MPHOSPH9: variants seen among roughly 807,000 people sequenced by gnomAD.
MPHOSPH9 encodes the protein M-phase phosphoprotein 9.
A neutral mutation model predicts 145.5 loss-of-function variants in MPHOSPH9; 88 were observed. The ratio of observed to expected loss-of-function variants is 0.60; its 90% confidence interval spans 0.51 to 0.72. The LOEUF (loss-of-function observed/expected upper bound fraction) is 0.72. MPHOSPH9 is among the 30% of genes least tolerant of loss of function. The probability of loss-of-function intolerance (pLI) is 0.00; values close to 1 mark genes in which losing one functional copy is unlikely to be tolerated. For synonymous variants in MPHOSPH9, 435 were observed against 486.2 expected (o/e 0.89, Z 1.39); for missense variants, 1,238 against 1,386.6 (o/e 0.89, Z 1.70).
chr12:123,192,205 G>T (rs2045707685), intron 13 of MPHOSPH9, among the ~76,000 whole-genome samples: 2 of 152,270 alleles, frequency 1.3e-5, no homozygotes, highest in Admixed American at 1.3e-4. Context: ...TGTAATCCCT[G>T]CACTTTGAGA....
At chr12:123,227,834 CCTT>C (rs1379925894) in intron 2 of MPHOSPH9, among the ~76,000 whole-genome samples, 2 of 152,148 alleles carry the variant, frequency 1.3e-5, no homozygotes, top group East Asian at 1.9e-4. Context: ...AACAAGAAGA[CCTT>C]CTCCAGAAGT....
At position 123,188,530 on chromosome 12, in the gene MPHOSPH9, T is replaced by C. The variant is rs138797013; in HGVS notation, c.2241+5856A>G. Among the ~76,000 whole-genome samples, 249 of 152,274 alleles carry C rather than the reference T, an allele frequency of 1.6e-3. 1 individual carries two copies. Among genetic ancestry groups the C allele is most frequent in the African/African-American group, 5.7e-3 (236 of 41,556 alleles). On this transcript the variant is annotated intron_variant, in intron 13 of 23. Transcript: ENST00000606320. The stretch of plus-strand genomic sequence containing the variant: ...TCCATTTTCCCTCCCCTTGAACCTA[T>C]GCAGGACTTTGGAATTGTTTAAAAA...
intron 15 of MPHOSPH9, 25 bp downstream of exon 15, chr12:123,179,901 A>G (rs771196484): frequency 3.2e-6 from 4 of 1,236,316 alleles, no homozygotes; most frequent in Middle Eastern, 1.9e-4. Flanking sequence ...AGGTATGTGT[A>G]CATTAGTAAG....
intron 1 of MPHOSPH9, among the ~76,000 whole-genome samples, chr12:123,232,216 A>C (rs2047672697): frequency 1.3e-5 from 2 of 151,762 alleles, no homozygotes; most frequent in African/African-American, 4.8e-5. Context: ...CTGCAACCCC[A>C]TCTATTATTT....
chr12:123,237,067 A>T (rs10744150), upstream of MPHOSPH9, among the ~76,000 whole-genome samples: 2 of 151,728 alleles, frequency 1.3e-5, no homozygotes, highest in East Asian at 1.9e-4. Flanking sequence ...GCTGGGTGAC[A>T]GAGTGAGACT....
chr12:123,215,163 A>G (rs1239440691), intron 6 of MPHOSPH9, among the ~76,000 whole-genome samples: 3 of 152,112 alleles, frequency 2.0e-5, no homozygotes, highest in Admixed American at 2.0e-4. Context: ...AATCACTTGA[A>G]CCTGGGAGGC....
intron 7 of MPHOSPH9, among the ~76,000 whole-genome samples, chr12:123,214,146 G>A (rs757978667): frequency 2.9e-4 from 44 of 152,108 alleles, no homozygotes; most frequent in Non-Finnish European, 2.4e-4. Flanking sequence ...ATTCATTTTG[G>A]ACTACCCGAA....
Position 123,155,843 on chromosome 12 carries a change from C to T in MPHOSPH9, c.*964G>A, listed in dbSNP as rs896101085. 6.6e-6 allele frequency: 1 copy of T among 152,244 alleles called. No homozygotes were observed. The highest frequency in any genetic ancestry group is 2.4e-5 in the African/African-American group (1 of 41,456). 9.4% of individuals were successfully genotyped at this position (152,244 alleles called of 1,614,324 possible). A position where few individuals can be genotyped will look rare whatever the true frequency, so the allele number is the denominator to read the frequency against. On this transcript the variant is annotated 3_prime_UTR_variant, in exon 24 of 24. Coordinates refer to ENST00000606320, the MANE Select transcript of MPHOSPH9 (RefSeq NM_022782.4). The stretch of plus-strand genomic sequence containing the variant: ...CACACTCCCTGTCCATTAACAAATA[C>T]AGTAGATTGTGATGATCTAAAGTCT...
chr12:123,189,782 A>G (rs1260944513), intron 13 of MPHOSPH9, among the ~76,000 whole-genome samples: 4 of 151,932 alleles, frequency 2.6e-5, no homozygotes, highest in Non-Finnish European at 5.9e-5. Context: ...AAAATACCAA[A>G]AAAATCAGCC....
chr12:123,195,457 G>T (rs957874065), intron 12 of MPHOSPH9, among the ~76,000 whole-genome samples: 3 of 151,776 alleles, frequency 2.0e-5, no homozygotes, highest in African/African-American at 7.3e-5. Flanking sequence ...TTAATGGCAG[G>T]CGCCTGTAAT....
intron 6 of MPHOSPH9, 112 bp from the exon 7 acceptor site, chr12:123,214,946 T>C (rs2046895635): frequency 1.2e-6 from 1 of 869,380 alleles, no homozygotes; most frequent in Non-Finnish European, 1.8e-6. Context: ...TTCAGAGGGT[T>C]CAAAGAAGAA....
rs140625495 is a variant in MPHOSPH9 at position 123,219,603 on chromosome 12, T to C, written c.873-1104A>G. Among the ~76,000 whole-genome samples the C allele has an allele frequency of 4.4e-3, 670 of 150,692 alleles. 5 individuals are homozygous for C. Among genetic ancestry groups the C allele is most frequent in the African/African-American group, 0.016 (647 of 41,098 alleles). On this transcript the variant is annotated intron_variant, in intron 5 of 23. Transcript: ENST00000606320. ...ACAGTGACTAATAATACAAAAAGTC[T>C]GTAGCCATAGACTAGAACAAAAACC...
At chr12:123,194,793 T>C (rs2045872829) in intron 12 of MPHOSPH9, among the ~76,000 whole-genome samples, 192 bp from the exon 13 acceptor site, 1 of 151,960 alleles carries the variant, frequency 6.6e-6, no homozygotes, top group Non-Finnish European at 1.5e-5. Flanking sequence ...GCTAATTTTT[T>C]GTATTTTTAG....
At chr12:123,238,748 G>T (rs2047888407) in intron 1 of MPHOSPH9, among the ~76,000 whole-genome samples, 1 of 152,146 alleles carries the variant, frequency 6.6e-6, no homozygotes, top group South Asian at 2.1e-4. Context: ...TAGGCTGCAG[G>T]TTCTCATTTG....
chr12:123,189,742 G>A (rs2045593706), intron 13 of MPHOSPH9, among the ~76,000 whole-genome samples: 1 of 151,974 alleles, frequency 6.6e-6, no homozygotes, highest in African/African-American at 2.4e-5. Flanking sequence ...AGACCATCCT[G>A]GCTAACACGG....
downstream of MPHOSPH9, chr12:123,152,762 A>G: frequency 2.9e-6 from 1 of 343,760 alleles, no homozygotes; most frequent in Non-Finnish European, 5.8e-6. Flanking sequence ...AATTTGTGCA[A>G]TATAGTGGAT....
At chr12:123,161,913 G>A (rs2044125739) in intron 21 of MPHOSPH9, among the ~76,000 whole-genome samples, 1 of 152,102 alleles carries the variant, frequency 6.6e-6, no homozygotes, top group Admixed American at 6.5e-5. Flanking sequence ...AACATTCCCT[G>A]TACCTCAGTT....
At chr12:123,222,187 C>T (rs954289409) in intron 4 of MPHOSPH9, among the ~76,000 whole-genome samples, 1 of 151,192 alleles carries the variant, frequency 6.6e-6, no homozygotes, top group Non-Finnish European at 1.5e-5. Flanking sequence ...TAGCCAGACA[C>T]GGTGGTGCGC....
At chr12:123,228,444 C>G (rs1460082218) in intron 2 of MPHOSPH9, among the ~76,000 whole-genome samples, 2 of 152,232 alleles carry the variant, frequency 1.3e-5, no homozygotes, top group Non-Finnish European at 2.9e-5. Flanking sequence ...AATCCCAGCA[C>G]TTTGGGAGGC....
Sources: allele counts gnomAD v4.1 joint callset (sites outside exome capture counted in the v4.1 genomes callset), GRCh38; gene constraint gnomAD v4.1.1; transcripts MANE v1.5; gene names NCBI Gene and HGNC (gene_info 2026-07-23, HGNC 2026-07-21).